INSYN2B: variants seen among roughly 807,000 people sequenced by gnomAD.
The protein encoded by INSYN2B is inhibitory synaptic factor family member 2B.
INSYN2B carries 16 observed loss-of-function variants against 41.2 expected under a neutral mutation model. The observed-to-expected ratio is 0.39, with a 90% confidence interval of 0.26 to 0.59. The LOEUF is 0.59. Among genes scored for constraint, INSYN2B ranks in the 20% least tolerant of loss-of-function variants. The probability of loss-of-function intolerance (pLI) is 0.57; values close to 1 mark genes in which losing one functional copy is unlikely to be tolerated. For synonymous variants in INSYN2B, 245 were observed against 244.4 expected (o/e 1.00, Z -0.02); for missense variants, 608 against 646.4 (o/e 0.94, Z 0.64).
At chr5:169,875,580 G>C in intron 3 of INSYN2B, 1 of 228,688 alleles carries the variant, frequency 4.4e-6, no homozygotes, top group South Asian at 5.4e-5. Context: ...TTGTGCAAGT[G>C]CCTCGCCTCT....
intron 1 of INSYN2B, among the ~76,000 whole-genome samples, chr5:169,953,332 CAAAAA>C (rs576183648): frequency 8.1e-6 from 1 of 123,504 alleles, no homozygotes; most frequent in Non-Finnish European, 1.7e-5. Flanking sequence ...GACTCTATCT[CAAAAA>C]AAAAAAAAAA....
At chr5:169,946,741 G>A (rs1001030896) in intron 1 of INSYN2B, among the ~76,000 whole-genome samples, 30 of 152,192 alleles carry the variant, frequency 2.0e-4, no homozygotes, top group African/African-American at 5.5e-4. Flanking sequence ...TTCACACAGC[G>A]ATAGGCAATC....
intron 1 of INSYN2B, among the ~76,000 whole-genome samples, chr5:169,975,433 C>T (rs920411706): frequency 1.3e-5 from 2 of 152,170 alleles, no homozygotes; most frequent in Non-Finnish European, 2.9e-5. Flanking sequence ...CCTCCAAGGG[C>T]CCGTGGGATC....
intron 1 of INSYN2B, among the ~76,000 whole-genome samples, chr5:169,926,034 G>C (rs1775432469): frequency 6.6e-6 from 1 of 152,184 alleles, no homozygotes; most frequent in African/African-American, 2.4e-5. Flanking sequence ...GTCAGCTCTG[G>C]TTAGTCTCTG....
chr5:169,909,043 G>A (rs1774449430), intron 1 of INSYN2B, among the ~76,000 whole-genome samples: 1 of 152,186 alleles, frequency 6.6e-6, no homozygotes, highest in Admixed American at 6.5e-5. Flanking sequence ...GAGTGAATGT[G>A]AGCGAGGCTG....
At chr5:169,880,568 C>T (rs1397373420) in intron 3 of INSYN2B, among the ~76,000 whole-genome samples, 1 of 152,202 alleles carries the variant, frequency 6.6e-6, no homozygotes, top group East Asian at 1.9e-4. Context: ...AGTGGGCTTC[C>T]AGCTAAGGGG....
intron 1 of INSYN2B, among the ~76,000 whole-genome samples, chr5:169,931,409 C>T (rs772878575): frequency 2.0e-5 from 3 of 152,342 alleles, no homozygotes; most frequent in Non-Finnish European, 2.9e-5. Context: ...ACACTTCTCC[C>T]GTTCGCCTGA....
In INSYN2B at chr5:169,881,383, G is replaced by T. The variant is rs1007385681; in HGVS notation, c.1406C>A (p.Ala469Glu). The part of the protein sequence containing the change: ...LNNCSTCQNT[A>E]CIIYSVEYDF... ...GGCCAGGTACCTGTATATGATGCACGCCGTGTTCTGGCAGGTACTGCAATT... is the reference window on the plus strand; with the variant it reads ...GGCCAGGTACCTGTATATGATGCACTCCGTGTTCTGGCAGGTACTGCAATT... The change falls in exon 3 of 4, where the codon GCG becomes GAG. Residue 469 changes from alanine to glutamate, a missense_variant. Coordinates refer to ENST00000377365, the MANE Select transcript of INSYN2B (RefSeq NM_001129891.3). 1.9e-6 allele frequency: 3 copies of T among 1,551,456 alleles called. No individual in the cohort carries two copies. Among genetic ancestry groups the T allele is most frequent in the Non-Finnish European group, 1.7e-6 (2 of 1,146,814 alleles).
intron 1 of INSYN2B, among the ~76,000 whole-genome samples, chr5:169,892,222 A>C (rs1169836021): frequency 6.6e-6 from 1 of 152,038 alleles, no homozygotes; most frequent in African/African-American, 2.4e-5. Context: ...CTCAAAGCAA[A>C]CCTAAAAACC....
intron 1 of INSYN2B, among the ~76,000 whole-genome samples, chr5:169,964,369 T>C (rs1003533552): frequency 6.6e-6 from 1 of 152,162 alleles, no homozygotes; most frequent in Non-Finnish European, 1.5e-5. Flanking sequence ...TGCCTTGGCC[T>C]GTCATTGGGA....
rs1029172532 is a variant in INSYN2B, at chr5:169,883,101, G to T, written c.798C>A (p.Ser266Arg). The T allele has an allele frequency of 7.7e-6, 12 of 1,551,526 alleles. No homozygotes were observed. The African/African-American group carries it at 1.2e-4, about 16-fold the overall frequency. The change falls in exon 2 of 4, where the codon AGC becomes AGA. Residue 266 changes from serine to arginine, a missense_variant. Coordinates refer to ENST00000377365, the MANE Select transcript of INSYN2B (RefSeq NM_001129891.3). ...TSCLNATSVA[S>R]HTPGTEELKP... is the part of the protein sequence containing the mutation. Reference sequence around the variant, plus strand: ...TAAGTTCCTCTGTGCCTGGTGTGTGGCTGGCAACGCTGGTGGCATTTAAGC... The same window carrying T: ...TAAGTTCCTCTGTGCCTGGTGTGTGTCTGGCAACGCTGGTGGCATTTAAGC...
At chr5:169,880,549 G>A (rs1772580551) in intron 3 of INSYN2B, among the ~76,000 whole-genome samples, 1 of 152,182 alleles carries the variant, frequency 6.6e-6, no homozygotes, top group South Asian at 2.1e-4. Context: ...TTTCTACTAT[G>A]CCATGGAAAG....
intron 1 of INSYN2B, among the ~76,000 whole-genome samples, chr5:169,932,956 C>T (rs194787): frequency 0.097 from 14,700 of 151,228 alleles, 776 homozygotes; most frequent in African/African-American, 0.15. Flanking sequence ...TTCCTCCCAC[C>T]GTCAAGCCCT....
intron 1 of INSYN2B, among the ~76,000 whole-genome samples, chr5:169,962,411 A>T (rs1378401886): frequency 6.6e-6 from 1 of 152,174 alleles, no homozygotes; most frequent in East Asian, 1.9e-4. Context: ...GTGGGGGAGG[A>T]TGGAGGTTCC....
At chr5:169,872,943 C>A (rs554374152) in intron 3 of INSYN2B, among the ~76,000 whole-genome samples, 1 of 152,292 alleles carries the variant, frequency 6.6e-6, no homozygotes, top group Admixed American at 6.5e-5. Context: ...GGGCAAAATG[C>A]CTAGTGCAGT....
At chr5:169,889,183 G>C (rs1189540225) in intron 1 of INSYN2B, among the ~76,000 whole-genome samples, 1 of 152,082 alleles carries the variant, frequency 6.6e-6, no homozygotes, top group East Asian at 1.9e-4. Context: ...TGGAATAGTT[G>C]GATAGTTGCA....
intron 1 of INSYN2B, among the ~76,000 whole-genome samples, chr5:169,967,240 A>G (rs1777335166): frequency 6.6e-6 from 1 of 152,228 alleles, no homozygotes. Flanking sequence ...GACCACAGCT[A>G]GTGGTGGAGA....
At chr5:169,926,370 C>G (rs1294070299) in intron 1 of INSYN2B, among the ~76,000 whole-genome samples, 1 of 152,196 alleles carries the variant, frequency 6.6e-6, no homozygotes, top group Non-Finnish European at 1.5e-5. Context: ...TTCTTATCCT[C>G]TACCTTTTTC....
chr5:169,862,320 T>C lies in INSYN2B; in HGVS notation c.*1953A>G, dbSNP rs1026206526. Reference sequence around the variant, plus strand: ...ATTCTGGGAACAGGGTTATTTACATTCTAGCATGATGCCCGAGAATATAAA... The same window carrying C: ...ATTCTGGGAACAGGGTTATTTACATCCTAGCATGATGCCCGAGAATATAAA... On this transcript the variant is annotated 3_prime_UTR_variant, in exon 4 of 4. Coordinates refer to ENST00000377365, the MANE Select transcript of INSYN2B (RefSeq NM_001129891.3). Among the ~76,000 whole-genome samples the C allele has an allele frequency of 5.3e-5, 8 of 152,220 alleles. No individual in the cohort carries two copies. The highest frequency in any genetic ancestry group is 8.8e-5 in the Non-Finnish European group (6 of 68,038).
Sources: gnomAD v4.1 joint callset for allele counts (sites outside exome capture counted in the v4.1 genomes callset) on GRCh38, gnomAD v4.1.1 for gene constraint, MANE v1.5 for transcripts, NCBI Gene and HGNC (gene_info 2026-07-23, HGNC 2026-07-21) for gene names.